CRTC1: variants seen among roughly 807,000 people sequenced by gnomAD.
The protein encoded by CRTC1 is CREB regulated transcription coactivator 1, also known as CREB-regulated transcription coactivator 1.
In CRTC1, 18 loss-of-function variants were observed where a neutral mutation model predicts 66.1. That is an observed-to-expected ratio of 0.27 (90% CI 0.19 to 0.40). CRTC1 has a LOEUF of 0.40. Ranked by LOEUF, CRTC1 falls within the 10% of genes least tolerant of loss-of-function variation. The pLI, the probability that CRTC1 is intolerant of heterozygous loss-of-function variation, is 1.00. For missense variants in CRTC1, 669 were observed against 887.9 expected (o/e 0.75, Z 3.13); for synonymous variants, 416 against 398.8 (o/e 1.04, Z -0.51).
At chr19:18,761,383 T>G (rs978226616) in intron 8 of CRTC1, among the ~76,000 whole-genome samples, 2 of 143,714 alleles carry the variant, frequency 1.4e-5, no homozygotes, top group Non-Finnish European at 3.1e-5. Flanking sequence ...TGGGACAGGC[T>G]GGAGGGGCTG....
intron 3 of CRTC1, among the ~76,000 whole-genome samples, 184 bp from the exon 4 acceptor site, chr19:18,746,869 C>G (rs746256127): frequency 2.0e-5 from 3 of 152,154 alleles, no homozygotes; most frequent in African/African-American, 7.2e-5. Context: ...GCCCCTGGAA[C>G]GGGGGCTGCT....
chr19:18,748,612 A>G (rs1313248032), intron 4 of CRTC1, among the ~76,000 whole-genome samples: 7 of 148,944 alleles, frequency 4.7e-5, no homozygotes, highest in African/African-American at 9.8e-5. Context: ...AGGCGGGTGG[A>G]TCACTAGAGC....
rs754420459 is a variant in CRTC1, at chr19:18,768,500, G to A, written c.1027G>A (p.Ala343Thr). The A allele has an allele frequency of 8.1e-6, 13 of 1,609,308 alleles. No individual in the cohort carries two copies. Among genetic ancestry groups the A allele is most frequent in the African/African-American group, 1.3e-5 (1 of 74,624 alleles). ...TCTCCTGCAGGCTGTAGCCATGGAC[G>A]CCCTGTCTCTGGAGCAGCAGCTGCC... ...SPITQAVAMD[A>T]LSLEQQLPYA... Residue 343 changes from alanine to threonine, a missense_variant, in exon 10 of 14, where the codon GCC becomes ACC. Ala to Thr is a moderately conservative substitution (Grantham distance 58, BLOSUM62 0). Coordinates refer to ENST00000321949, the MANE Select transcript of CRTC1 (RefSeq NM_015321.3). This position sits in a 1 kb window ranked among gnomAD's most constrained non-coding sequence, Gnocchi z 5.6.
chr19:18,759,956 G>A (rs114849925), intron 7 of CRTC1, 52 bp from the exon 8 acceptor site: 52,227 of 1,215,378 alleles, frequency 0.043, 1,527 homozygotes, highest in Non-Finnish European at 0.053. Context: ...TGTCCCCGCC[G>A]CCAGCCCCGC....
chr19:18,777,283 C>A lies in CRTC1; in HGVS notation c.1806C>A (p.Ile602=). ...AGTTTCCCCTGGACGAACTCAAGAT[C>A]GACCCCCTGACCCTCGACGGACTGC... is the stretch of plus-strand genomic sequence containing the variant. ...DSQFPLDELK[I]DPLTLDGLHM... Residue 602 remains isoleucine (I), a synonymous_variant, in exon 14 of 14, where the codon ATC becomes ATA. Coordinates refer to ENST00000321949, the MANE Select transcript of CRTC1 (RefSeq NM_015321.3). This position sits in a 1 kb window ranked among gnomAD's most constrained non-coding sequence, Gnocchi z 5.5. The A allele has an allele frequency of 6.2e-7, 1 of 1,612,454 alleles. No individual in the cohort carries two copies. The highest frequency in any genetic ancestry group is 8.5e-7 in the Non-Finnish European group (1 of 1,179,940).
chr19:18,758,189 G>A (rs188529708), intron 6 of CRTC1, among the ~76,000 whole-genome samples: 3 of 149,954 alleles, frequency 2.0e-5, no homozygotes, highest in Admixed American at 6.7e-5. Flanking sequence ...GTGAAACCCC[G>A]TCTCTACTAA....
chr19:18,777,430 C>G lies in CRTC1; in HGVS notation c.*48C>G. On this transcript the variant is annotated 3_prime_UTR_variant, in exon 14 of 14. Coordinates refer to ENST00000321949, the MANE Select transcript of CRTC1 (RefSeq NM_015321.3). The surrounding 1 kb of genome is among the most constrained non-coding windows in gnomAD (Gnocchi z 5.5). ...GCTCAGCCGTCCCGACGGCGCCTCC[C>G]CAGCCCGGGGACGGCCGTGCTCCGT... 1.3e-6 allele frequency: 2 copies of G among 1,543,024 alleles called. No individual in the cohort carries two copies. The highest frequency in any genetic ancestry group is 2.2e-5 in the East Asian group (1 of 44,532).
chr19:18,753,455 G>A (rs1473144762), intron 5 of CRTC1, 45 bp from the exon 6 acceptor site: 1 of 1,471,366 alleles, frequency 6.8e-7, no homozygotes, highest in South Asian at 1.2e-5. Flanking sequence ...CGGCTGCAAA[G>A]AAATTTCTTC....
chr19:18,717,876 G>A (rs2053542798), intron 1 of CRTC1, among the ~76,000 whole-genome samples: 1 of 152,090 alleles, frequency 6.6e-6, no homozygotes, highest in African/African-American at 2.4e-5. Flanking sequence ...CCCCTGGGGA[G>A]AAGGCCTTTG....
chr19:18,773,280 AC>A (rs2054910841), intron 11 of CRTC1, among the ~76,000 whole-genome samples: 1 of 151,586 alleles, frequency 6.6e-6, no homozygotes, highest in Non-Finnish European at 1.5e-5. Context: ...GGCCCAGACC[AC>A]CCCACACCTG....
intron 1 of CRTC1, among the ~76,000 whole-genome samples, chr19:18,724,343 G>C (rs1321607639): frequency 6.6e-6 from 1 of 152,060 alleles, no homozygotes; most frequent in Non-Finnish European, 1.5e-5. Flanking sequence ...TCCATGATGA[G>C]CTGGCTCTAG....
At chr19:18,713,543 C>T (rs1313127602) in intron 1 of CRTC1, among the ~76,000 whole-genome samples, 1 of 152,244 alleles carries the variant, frequency 6.6e-6, no homozygotes, top group Non-Finnish European at 1.5e-5. Flanking sequence ...GGAGCTGAGG[C>T]CCTGCACCCT....
chr19:18,770,391 G>T (rs978996799), intron 10 of CRTC1, among the ~76,000 whole-genome samples: 1 of 152,270 alleles, frequency 6.6e-6, no homozygotes, highest in Non-Finnish European at 1.5e-5. Flanking sequence ...ACTGCGCCAT[G>T]CTGGGAGCCT....
intron 6 of CRTC1, among the ~76,000 whole-genome samples, chr19:18,757,902 C>T (rs546731972): frequency 6.6e-6 from 1 of 151,248 alleles, no homozygotes; most frequent in East Asian, 2.0e-4. Flanking sequence ...CCTGTAGTCC[C>T]AGCTACTCGG....
intron 1 of CRTC1, among the ~76,000 whole-genome samples, chr19:18,701,647 C>A (rs1458046443): frequency 6.6e-6 from 1 of 152,162 alleles, no homozygotes; most frequent in Non-Finnish European, 1.5e-5. Flanking sequence ...ACTCTGTCAC[C>A]CAGGCTGGAG....
rs1376938356 is a variant in CRTC1, at chr19:18,732,761, G to A, written c.127-10149G>A. Among the ~76,000 whole-genome samples the A allele has an allele frequency of 3.9e-5, 6 of 152,214 alleles. No individual in the cohort carries two copies. In the East Asian group the frequency reaches 1.2e-3, roughly 29 times the overall value. On this transcript the variant is annotated intron_variant, in intron 1 of 13. Transcript: ENST00000321949. ...TTGCCTCTGGGGGAAGGAAAAGAGAGCTTTAAACCTGGGGATACTCCAGAA... is the reference window on the plus strand; with the variant it reads ...TTGCCTCTGGGGGAAGGAAAAGAGAACTTTAAACCTGGGGATACTCCAGAA...
rs369045238 is a variant in CRTC1, at chr19:18,771,555, C to T, written c.1425+9C>T. On this transcript the variant is annotated intron_variant, in intron 11 of 13. Coordinates refer to ENST00000321949, the MANE Select transcript of CRTC1 (RefSeq NM_015321.3). The surrounding 1 kb of genome is among the most constrained non-coding windows in gnomAD (Gnocchi z 4.6). ...CAGGGAGCTCCCCGCAAGTAAGGGG[C>T]GCCGCCTCCCCCTTGGCCTGTGGGC... 6.9e-6 allele frequency: 11 copies of T among 1,602,038 alleles called. No homozygotes were observed. The highest frequency in any genetic ancestry group is 1.6e-4 in the Middle Eastern group (1 of 6,064).
intron 1 of CRTC1, among the ~76,000 whole-genome samples, chr19:18,730,419 C>T (rs2053860144): frequency 6.6e-6 from 1 of 152,058 alleles, no homozygotes; most frequent in Non-Finnish European, 1.5e-5. Flanking sequence ...CAGGGCCTTC[C>T]GGGTAGGCCT....
At chr19:18,699,755 A>AGG (rs1016114849) in intron 1 of CRTC1, among the ~76,000 whole-genome samples, 13 of 151,912 alleles carry the variant, frequency 8.6e-5, no homozygotes, top group African/African-American at 2.7e-4. Flanking sequence ...GGCCAGGGTG[A>AGG]GGGGTTGAGA....
Sources: allele counts gnomAD v4.1 joint callset (sites outside exome capture counted in the v4.1 genomes callset), GRCh38; gene constraint gnomAD v4.1.1; non-coding constraint Gnocchi (gnomAD v3.1); transcripts MANE v1.5; gene names NCBI Gene and HGNC (gene_info 2026-07-23, HGNC 2026-07-21).